UBE2W: variants seen among roughly 807,000 people sequenced by gnomAD.
UBE2W encodes the protein ubiquitin conjugating enzyme E2 W.
Under a neutral mutation model 27.2 loss-of-function variants are expected in UBE2W, and 18 were observed. The observed-to-expected ratio is 0.66, with a 90% CI of 0.46 to 0.98. UBE2W has a LOEUF of 0.98. Ranked by LOEUF, UBE2W falls within the 50% of genes least tolerant of loss-of-function variation. The pLI is 0.00. For synonymous variants in UBE2W, 53 were observed against 57.2 expected (o/e 0.93, Z 0.33); for missense variants, 90 against 180.2 (o/e 0.50, Z 2.87).
intron 1 of UBE2W, among the ~76,000 whole-genome samples, chr8:73,841,702 TAC>T (rs1432552306): frequency 1.3e-5 from 2 of 152,182 alleles, no homozygotes; most frequent in East Asian, 1.9e-4. Context: ...CCCGGATAAT[TAC>T]AGAGAAAACA....
chr8:73,825,377 T>C (rs1809793504), intron 2 of UBE2W, 128 bp from the exon 3 acceptor site: 6 of 590,338 alleles, frequency 1.0e-5, no homozygotes, highest in Non-Finnish European at 1.8e-5. Context: ...TAACAGCACA[T>C]GCCAGCCTCC....
chr8:73,815,413 G>T (rs987507967), intron 3 of UBE2W, among the ~76,000 whole-genome samples: 2 of 152,100 alleles, frequency 1.3e-5, no homozygotes, highest in Non-Finnish European at 2.9e-5. Flanking sequence ...CTCAAAGTTG[G>T]TGTAGTCAGA....
At chr8:73,868,950 C>T (rs1811887949) in intron 1 of UBE2W, among the ~76,000 whole-genome samples, 1 of 152,042 alleles carries the variant, frequency 6.6e-6, no homozygotes, top group Non-Finnish European at 1.5e-5. Context: ...ATTATTCATA[C>T]TAAAAAGGGG....
intron 1 of UBE2W, among the ~76,000 whole-genome samples, chr8:73,876,845 T>C (rs1326892949): frequency 6.6e-6 from 1 of 152,102 alleles, no homozygotes; most frequent in Non-Finnish European, 1.5e-5. Flanking sequence ...TTCATGCCTG[T>C]AATCCCAGCT....
chr8:73,805,137 A>C (rs1328302909), intron 5 of UBE2W, among the ~76,000 whole-genome samples: 1 of 151,840 alleles, frequency 6.6e-6, no homozygotes, highest in Non-Finnish European at 1.5e-5. Context: ...TATGATGGCT[A>C]TGATTTTGTT....
chr8:73,807,920 T>C (rs550607388), intron 4 of UBE2W, among the ~76,000 whole-genome samples: 2 of 152,186 alleles, frequency 1.3e-5, no homozygotes, highest in African/African-American at 2.4e-5. Flanking sequence ...GTTTGAACAA[T>C]GTAAATATAT....
intron 1 of UBE2W, among the ~76,000 whole-genome samples, chr8:73,867,908 T>C (rs991427952): frequency 1.3e-4 from 20 of 152,164 alleles, no homozygotes; most frequent in African/African-American, 3.6e-4. Flanking sequence ...TGGCCAAACA[T>C]AGAAACTGGA....
chr8:73,805,458 A>AAAAAAAAAACAAACAAAC (rs1808840970), intron 5 of UBE2W, among the ~76,000 whole-genome samples, 193 bp downstream of exon 5: 11 of 133,180 alleles, frequency 8.3e-5, no homozygotes, highest in Admixed American at 1.7e-4. Context: ...CCATCTCAAA[A>AAAAAAAAAACAAACAAAC]AAAAAAAAAA....
At chr8:73,828,736 G>T (rs747106368) in intron 2 of UBE2W, among the ~76,000 whole-genome samples, 1 of 152,028 alleles carries the variant, frequency 6.6e-6, no homozygotes, top group Non-Finnish European at 1.5e-5. Flanking sequence ...GGTAAATGGG[G>T]TATCCATCAC....
At chr8:73,831,056 ACATC>A in intron 1 of UBE2W, 1 of 201,084 alleles carries the variant, frequency 5.0e-6, no homozygotes, top group Non-Finnish European at 1.0e-5. Flanking sequence ...TGGAAACTCC[ACATC>A]CCTTCCCTCA....
Position 73,792,471 on chromosome 8 carries a change from C to T in UBE2W, c.*1631G>A, listed in dbSNP as rs1454292517. The T allele has an allele frequency of 2.0e-6, 2 of 985,186 alleles. No homozygotes were observed. The highest frequency in any genetic ancestry group is 1.7e-5 in the African/African-American group (1 of 57,152). The allele number at this position is 985,186 out of a possible 1,614,324, so 61.0% of individuals were successfully genotyped here. ...TTAATTAACAACATGTACAAAGCTA[C>T]AAAATGTCATCTATACAGATTAAAA... On this transcript the variant is annotated 3_prime_UTR_variant, in exon 6 of 6. Coordinates refer to ENST00000602593, the MANE Select transcript of UBE2W (RefSeq NM_018299.6).
At chr8:73,849,449 T>C (rs116515507) in intron 1 of UBE2W, among the ~76,000 whole-genome samples, 1,736 of 141,570 alleles carry the variant, frequency 0.012, 36 homozygotes, top group African/African-American at 0.044. Context: ...GAGGTGGAGA[T>C]TGTAGTGAGC....
chr8:73,803,632 T>C (rs1178108220), intron 5 of UBE2W, among the ~76,000 whole-genome samples: 3 of 152,332 alleles, frequency 2.0e-5, no homozygotes, highest in Admixed American at 2.0e-4. Flanking sequence ...AATACACGTA[T>C]TTTTATTTCA....
At chr8:73,855,721 G>A (rs2130959489) in intron 1 of UBE2W, among the ~76,000 whole-genome samples, 1 of 152,084 alleles carries the variant, frequency 6.6e-6, no homozygotes, top group Admixed American at 6.6e-5. Flanking sequence ...TACATTTCTT[G>A]ACTGTGAACA....
In UBE2W at chr8:73,790,794, A is replaced by G. The variant is rs1389523267; in HGVS notation, c.*3308T>C. The G allele has an allele frequency of 3.1e-6, 3 of 982,968 alleles. No homozygotes were observed. The African/African-American group carries it at 5.2e-5, about 17-fold the overall frequency. The allele number at this position is 982,968 out of a possible 1,614,324, so 60.9% of individuals were successfully genotyped here. A position where few individuals can be genotyped will look rare whatever the true frequency, so the allele number is the denominator to read the frequency against. ...AATATGTAGTTACATAACCATTTTC[A>G]TATCACTACTCATTTCCATTATTTA... On this transcript the variant is annotated 3_prime_UTR_variant, in exon 6 of 6. Transcript: ENST00000602593.
At chr8:73,849,380 C>T (rs1019870111) in intron 1 of UBE2W, among the ~76,000 whole-genome samples, 3 of 151,680 alleles carry the variant, frequency 2.0e-5, no homozygotes, top group Non-Finnish European at 2.9e-5. Context: ...GGCATGGTGG[C>T]GGGTGCCTGT....
At chr8:73,855,969 G>C (rs908071232) in intron 1 of UBE2W, among the ~76,000 whole-genome samples, 1 of 152,016 alleles carries the variant, frequency 6.6e-6, no homozygotes, top group African/African-American at 2.4e-5. Context: ...TCATGTATCT[G>C]TAATTACTTT....
chr8:73,796,594 T>A, intron 5 of UBE2W: 1 of 955,898 alleles, frequency 1.0e-6, no homozygotes, highest in Non-Finnish European at 1.2e-6. Context: ...CTGACTGATA[T>A]GATACTACCC....
chr8:73,808,105 C>A (rs79357096), intron 4 of UBE2W, among the ~76,000 whole-genome samples: 3,678 of 152,156 alleles, frequency 0.024, 155 homozygotes, highest in African/African-American at 0.085. Flanking sequence ...GACTAAAGTC[C>A]CAAACACCTA....
Sources: allele counts gnomAD v4.1 joint callset (sites outside exome capture counted in the v4.1 genomes callset), GRCh38; gene constraint gnomAD v4.1.1; transcripts MANE v1.5; gene names NCBI Gene and HGNC (gene_info 2026-07-23, HGNC 2026-07-21).